Variants in LRPPRC observed in about 807,000 individuals in gnomAD.
The protein encoded by LRPPRC is leucine rich pentatricopeptide repeat containing, also known as leucine-rich PPR motif-containing protein, mitochondrial.
LRPPRC carries 120 observed loss-of-function variants against 180.3 expected under a neutral mutation model. The ratio of observed to expected loss-of-function variants is 0.67; its 90% CI spans 0.57 to 0.77. The LOEUF is 0.77. LRPPRC is among the 30% of genes least tolerant of loss of function. LRPPRC has a pLI of 0.00. For synonymous variants in LRPPRC, 723 were observed against 600.0 expected, an observed-to-expected ratio of 1.21 and a Z score of -3.00; for missense variants, 2,012 against 1,657.2, an observed-to-expected ratio of 1.21 and a Z score of -3.72.
rs760874906 is a variant in LRPPRC, at chr2:43,995,868, A to AGGAGGCGCAGGGAGAGCG, written c.62_79dup (p.Pro21_Leu26dup). 26 of 1,493,588 alleles carry AGGAGGCGCAGGGAGAGCG rather than the reference A, an allele frequency of 1.7e-5. No individual in the cohort carries two copies. The highest frequency in any genetic ancestry group is 1.5e-5 in the African/African-American group (1 of 68,698). The allele number at this position is 1,493,588 out of a possible 1,614,324, so 92.5% of individuals were successfully genotyped here. A position where few individuals can be genotyped will look rare whatever the true frequency, so the allele number is the denominator to read the frequency against. ...ATGCAGCCGGCCCGGGCCGCCAGGG[A>AGGAGGCGCAGGGAGAGCG]GGAGGCGCAGGGAGAGCGGGAGGCG... On this transcript the variant is annotated inframe_insertion, in exon 1 of 38. Coordinates refer to ENST00000260665, the MANE Select transcript of LRPPRC (RefSeq NM_133259.4).
Position 43,918,014 on chromosome 2 carries a change from T to G in LRPPRC, c.3148+11A>C. ...CCCCCCACACACACCCCCATCCCCG[T>G]ATGTGCTTGCCTTTTTTTTGGTTCA... On this transcript the variant is annotated intron_variant, in intron 29 of 37. Transcript: ENST00000260665. 5.3e-6 allele frequency: 5 copies of G among 934,836 alleles called. No individual in the cohort carries two copies. Among genetic ancestry groups the G allele is most frequent in the Non-Finnish European group, 8.2e-6 (5 of 611,262 alleles). 57.9% of individuals were successfully genotyped at this position (934,836 alleles called of 1,614,324 possible).
At chr2:43,922,085 G>C (rs1671719326) in intron 27 of LRPPRC, among the ~76,000 whole-genome samples, 1 of 152,158 alleles carries the variant, frequency 6.6e-6, no homozygotes, top group African/African-American at 2.4e-5. Flanking sequence ...ATTAATGTTT[G>C]TTATAGGTTC....
chr2:43,969,326 G>A (rs975753673), intron 11 of LRPPRC, among the ~76,000 whole-genome samples: 2 of 151,828 alleles, frequency 1.3e-5, no homozygotes, highest in African/African-American at 4.8e-5. Flanking sequence ...GCAGGAGAAT[G>A]GCGTGAACCC....
At chr2:43,944,853 C>T (rs974725464) in intron 22 of LRPPRC, among the ~76,000 whole-genome samples, 4 of 151,894 alleles carry the variant, frequency 2.6e-5, no homozygotes, top group African/African-American at 4.8e-5. Flanking sequence ...TAAATAAAAA[C>T]CTTAATTAAA....
intron 10 of LRPPRC, 38 bp downstream of exon 10, chr2:43,973,757 A>C: frequency 6.2e-7 from 1 of 1,604,152 alleles, no homozygotes; most frequent in Non-Finnish European, 8.5e-7. Context: ...ACCTCAGCAA[A>C]ACTTCCTTAC....
rs753632640 is a variant in LRPPRC, at chr2:43,948,536, A to G, written c.1736-18T>C. 8.2e-7 allele frequency: 1 copy of G among 1,226,626 alleles called. No homozygotes were observed. The highest frequency in any genetic ancestry group is 1.7e-5 in the Admixed American group (1 of 59,532). 76.0% of individuals were successfully genotyped at this position (1,226,626 alleles called of 1,614,324 possible). A position where few individuals can be genotyped will look rare whatever the true frequency, so the allele number is the denominator to read the frequency against. On this transcript the variant is annotated intron_variant, in intron 16 of 37. Coordinates refer to ENST00000260665, the MANE Select transcript of LRPPRC (RefSeq NM_133259.4). ...AACAGCTTCTGTGGAAAAAAACAAG[A>G]GAAAGCATTCCACTAAAATTACCGA...
chr2:43,980,294 C>T (rs536196392), intron 2 of LRPPRC, among the ~76,000 whole-genome samples: 1 of 152,224 alleles, frequency 6.6e-6, no homozygotes, highest in Non-Finnish European at 1.5e-5. Context: ...AAGGGCCAGG[C>T]GCGAATCCCA....
Position 43,888,344 on chromosome 2 carries a change from A to G in LRPPRC, c.*256T>C. ...GGAAACCAAAGAGCCAATTAGGGGA[A>G]GAATCCTGAAAAAGTATGGCTTCAC... On this transcript the variant is annotated 3_prime_UTR_variant, in exon 38 of 38. Transcript: ENST00000260665. 2.6e-6 allele frequency: 1 copy of G among 391,418 alleles called. No homozygotes were observed. Among genetic ancestry groups the G allele is most frequent in the Non-Finnish European group, 4.7e-6 (1 of 211,784 alleles). 24.2% of individuals were successfully genotyped at this position (391,418 alleles called of 1,614,324 possible).
chr2:43,959,162 C>T (rs542092647), intron 13 of LRPPRC: 92 of 714,512 alleles, frequency 1.3e-4, no homozygotes, highest in South Asian at 1.2e-3. Flanking sequence ...GGATCCACCT[C>T]GTGAGCCCAG....
chr2:43,902,279 T>C (rs184216917), intron 31 of LRPPRC: 3 of 152,336 alleles, frequency 2.0e-5, no homozygotes, highest in South Asian at 4.1e-4. Flanking sequence ...TAAATAACTA[T>C]GGAATAGCCT....
intron 27 of LRPPRC, among the ~76,000 whole-genome samples, chr2:43,921,185 G>C (rs548966273): frequency 7.9e-5 from 12 of 152,248 alleles, no homozygotes; most frequent in African/African-American, 2.6e-4. Context: ...CCAACTACTG[G>C]GGTGGCTGAG....
At position 43,979,875 on chromosome 2, in the gene LRPPRC, T is replaced by C. The variant is rs1424308172; in HGVS notation, c.420A>G (p.Glu140=). 1 of 1,613,608 alleles carries C rather than the reference T, an allele frequency of 6.2e-7. No individual in the cohort carries two copies. Among genetic ancestry groups the C allele is most frequent in the Non-Finnish European group, 8.5e-7 (1 of 1,179,594 alleles). ...CGSLLPELKL[E]ERTEFAHRIW... Reference sequence around the variant, plus strand: ...TCCTATGAGCAAATTCTGTTCTCTCTTCAAGCTTTAGTTCAGGCAAGAGAG... The same window carrying C: ...TCCTATGAGCAAATTCTGTTCTCTCCTCAAGCTTTAGTTCAGGCAAGAGAG... Residue 140 remains glutamate (E), a synonymous_variant, in exon 3 of 38, where the codon GAA becomes GAG. Coordinates refer to ENST00000260665, the MANE Select transcript of LRPPRC (RefSeq NM_133259.4).
At chr2:43,901,072 A>G (rs1176091408) in intron 32 of LRPPRC, among the ~76,000 whole-genome samples, 2 of 152,240 alleles carry the variant, frequency 1.3e-5, no homozygotes, top group Non-Finnish European at 2.9e-5. Flanking sequence ...TATACACAGG[A>G]ATGAGAAAGG....
At position 43,946,149 on chromosome 2, in the gene LRPPRC, T is replaced by C. The variant is rs1348582657; in HGVS notation, c.2174A>G (p.Asp725Gly). 6.2e-7 allele frequency: 1 copy of C among 1,612,560 alleles called. No homozygotes were observed. Among genetic ancestry groups the C allele is most frequent in the Admixed American group, 1.7e-5 (1 of 59,978 alleles). ...AALINLCCRHDKVEDALNLKE... is the reference protein window; with the variant it reads ...AALINLCCRHGKVEDALNLKE... ...CAAGTTCAAGGCATCTTCTACTTTA[T>C]CATGTCGACAGCATAAATTTATTAA... The change falls in exon 21 of 38, where the codon GAT (aspartate) becomes GGT (glycine). Residue 725 changes from aspartate (D) to glycine (G), a missense_variant. Physicochemically the swap from Asp to Gly is moderately conservative, Grantham distance 94. Coordinates refer to ENST00000260665, the MANE Select transcript of LRPPRC (RefSeq NM_133259.4).
intron 16 of LRPPRC, among the ~76,000 whole-genome samples, chr2:43,949,022 A>C (rs541937914): frequency 7.9e-5 from 12 of 152,334 alleles, no homozygotes; most frequent in African/African-American, 2.9e-4. Context: ...TGAAAAACCA[A>C]GATTAACAAA....
At chr2:43,929,547 C>A (rs1672010388) in intron 25 of LRPPRC, among the ~76,000 whole-genome samples, 1 of 152,086 alleles carries the variant, frequency 6.6e-6, no homozygotes, top group South Asian at 2.1e-4. Flanking sequence ...CTAGGCTATG[C>A]AGTTCATCTG....
chr2:43,914,077 T>C (rs1329265195), intron 29 of LRPPRC, among the ~76,000 whole-genome samples: 2 of 152,210 alleles, frequency 1.3e-5, no homozygotes, highest in Non-Finnish European at 2.9e-5. Context: ...TGCCATTCAA[T>C]ACCCAATGCT....
chr2:43,941,526 C>G (rs892395550), intron 23 of LRPPRC, among the ~76,000 whole-genome samples: 1 of 152,082 alleles, frequency 6.6e-6, no homozygotes, highest in African/African-American at 2.4e-5. Flanking sequence ...CACATTTAAT[C>G]AAATCGAATA....
chr2:43,924,538 T>G (rs1250032725), intron 27 of LRPPRC, among the ~76,000 whole-genome samples: 1 of 152,220 alleles, frequency 6.6e-6, no homozygotes, highest in African/African-American at 2.4e-5. Flanking sequence ...AGTATATCTA[T>G]GTAGTATATA....
Sources: gnomAD v4.1 joint callset for allele counts (sites outside exome capture counted in the v4.1 genomes callset) on GRCh38, gnomAD v4.1.1 for gene constraint, MANE v1.5 for transcripts, NCBI Gene and HGNC (gene_info 2026-07-23, HGNC 2026-07-21) for gene names.